PEG3: variants seen among roughly 807,000 people sequenced by gnomAD.
PEG3 encodes the protein paternally-expressed gene 3 protein.
PEG3 carries 23 observed loss-of-function variants against 35.5 expected under a neutral mutation model. The observed-to-expected ratio is 0.65, with a 90% CI of 0.47 to 0.92. PEG3 has a LOEUF of 0.92. Among genes scored for constraint, PEG3 ranks in the 40% least tolerant of loss-of-function variants. The probability of loss-of-function intolerance (pLI) is 0.00; values close to 1 mark genes in which losing one functional copy is unlikely to be tolerated. For missense variants in PEG3, 1,960 were observed against 1,985.3 expected (o/e 0.99, Z 0.24); for synonymous variants, 707 against 697.0 (o/e 1.01, Z -0.23).
In PEG3 at chr19:56,814,686, T is replaced by G; in HGVS notation, c.3756A>C (p.Leu1252Phe). ...EHMRLHREDD[L>F]LEQSQMAEEA... ...CCTCAGCCATCTGGCTCTGCTCCAGTAAATCATCTTCCCTATGAAGTCTCA... is the reference window on the plus strand; with the variant it reads ...CCTCAGCCATCTGGCTCTGCTCCAGGAAATCATCTTCCCTATGAAGTCTCA... Residue 1252 changes from leucine (L) to phenylalanine (F), a missense_variant, in exon 10 of 10, where the codon TTA (leucine) becomes TTC (phenylalanine). Coordinates refer to ENST00000326441, the MANE Select transcript of PEG3 (RefSeq NM_006210.3). This position sits in a 1 kb window ranked among gnomAD's most constrained non-coding sequence, Gnocchi z 5.8. 1.2e-6 allele frequency: 2 copies of G among 1,614,074 alleles called. No homozygotes were observed. The highest frequency in any genetic ancestry group is 2.7e-5 in the African/African-American group (2 of 75,062).
chr19:56,815,100 C>A lies in PEG3; in HGVS notation c.3342G>T (p.Leu1114=). ...TGAGGTCTGTGAGATCCACAAAGCC[C>A]AGGCCACAGTCCTCACATTCATAGA... ...DKIYECEDCG[L]GFVDLTDLTD... The change falls in exon 10 of 10, where the codon CTG becomes CTT. Residue 1114 remains leucine, a synonymous_variant. Transcript: ENST00000326441. 1 of 1,613,788 alleles carries A rather than the reference C, an allele frequency of 6.2e-7. No individual in the cohort carries two copies. Among genetic ancestry groups the A allele is most frequent in the Non-Finnish European group, 8.5e-7 (1 of 1,179,808 alleles).
chr19:56,824,639 T>C lies in PEG3; in HGVS notation c.17A>G (p.His6Arg), dbSNP rs1332869467. 1.9e-6 allele frequency: 3 copies of C among 1,597,720 alleles called. No homozygotes were observed. The East Asian group carries it at 6.7e-5, about 36-fold the overall frequency. Residue 6 changes from histidine to arginine, a missense_variant, in exon 4 of 10, where the codon CAC becomes CGC. Transcript: ENST00000326441. ...CTTCTTAGGTTTGGTGGCAGACAAG[T>C]GCTTTGGAGGCAGCATTTCTCTAAG... MLPPK[H>R]LSATKPKKSW...
Position 56,813,800 on chromosome 19 carries a change from GT to G in PEG3, c.4641del (p.Glu1547AspfsTer47). On this transcript the variant is annotated frameshift_variant, in exon 10 of 10. Transcript: ENST00000326441. LOFTEE classifies it low-confidence loss of function (END_TRUNC). ...GCACCACCTGTGCTGGTGCTGGCAC[GT>G]TCGATGTAGCCTGAGCACTCCCCAA... ...NAFGECSGYI[E>X]RASTSTGGAN... The G allele has an allele frequency of 6.2e-7, 1 of 1,614,104 alleles. No individual in the cohort carries two copies. Among genetic ancestry groups the G allele is most frequent in the Non-Finnish European group, 8.5e-7 (1 of 1,180,018 alleles).
In PEG3 at chr19:56,824,726, G is replaced by A. The variant is rs953283263; in HGVS notation, c.-71C>T. 2.0e-5 allele frequency: 28 copies of A among 1,418,534 alleles called. No homozygotes were observed. The highest frequency in any genetic ancestry group is 4.0e-5 in the South Asian group (3 of 75,510). 87.9% of individuals were successfully genotyped at this position (1,418,534 alleles called of 1,614,324 possible). ...AGGAAAGACGCGGCAGCCTGTGACC[G>A]TCAGTACTCAGGGACCTGTGGATCG... On this transcript the variant is annotated 5_prime_UTR_variant, in exon 4 of 10. In the 5' UTR this introduces an upstream ATG that the reference lacks. Coordinates refer to ENST00000326441, the MANE Select transcript of PEG3 (RefSeq NM_006210.3).
intron 4 of PEG3, 118 bp from the exon 5 acceptor site, chr19:56,823,797 C>A (rs754230634): frequency 5.0e-6 from 6 of 1,207,088 alleles, no homozygotes; most frequent in Non-Finnish European, 7.2e-6. Flanking sequence ...TGACCTGATC[C>A]TGACATTTCT....
In PEG3 at chr19:56,824,403, TCTC is replaced by T; in HGVS notation, c.250_252del (p.Glu84del). On this transcript the variant is annotated inframe_deletion, in exon 4 of 10. Coordinates refer to ENST00000326441, the MANE Select transcript of PEG3 (RefSeq NM_006210.3). Reference sequence around the variant, plus strand: ...TGCTCAAGGACCAAGAGCTCGATGATCTCCTCCTTGGTGCGGGTCTCCGGCTGC... The same window carrying T: ...TGCTCAAGGACCAAGAGCTCGATGATCTCCTTGGTGCGGGTCTCCGGCTGC... 1 of 1,614,110 alleles carries T rather than the reference TCTC, an allele frequency of 6.2e-7. No individual in the cohort carries two copies. Among genetic ancestry groups the T allele is most frequent in the Non-Finnish European group, 8.5e-7 (1 of 1,180,022 alleles).
At chr19:56,838,136 G>T (rs733558) in intron 1 of PEG3, among the ~76,000 whole-genome samples, 1 of 152,058 alleles carries the variant, frequency 6.6e-6, no homozygotes, top group Non-Finnish European at 1.5e-5. Context: ...TGCAGACCCC[G>T]TCAGTCACTC....
Position 56,813,362 on chromosome 19 carries a change from A to T in PEG3, c.*313T>A. Reference sequence around the variant, plus strand: ...ACTATATATACGTTACACAAGTGTCATTTACAGTTGATTTGGGCAAACTCT... The same window carrying T: ...ACTATATATACGTTACACAAGTGTCTTTTACAGTTGATTTGGGCAAACTCT... On this transcript the variant is annotated 3_prime_UTR_variant, in exon 10 of 10. Transcript: ENST00000326441. 8.7e-7 allele frequency: 1 copy of T among 1,146,718 alleles called. No homozygotes were observed. The highest frequency in any genetic ancestry group is 1.1e-6 in the Non-Finnish European group (1 of 929,428). 71.0% of individuals were successfully genotyped at this position (1,146,718 alleles called of 1,614,324 possible).
At position 56,839,577 on chromosome 19, in the gene PEG3, A is replaced by C. The variant is rs112234833; in HGVS notation, c.-250+1005T>G. Reference sequence around the variant, plus strand: ...CAAAGCGGGCGGGGCCTGAGTGGATAGTTACCCAATCACTTCAGCCTTGCC... The same window carrying C: ...CAAAGCGGGCGGGGCCTGAGTGGATCGTTACCCAATCACTTCAGCCTTGCC... On this transcript the variant is annotated intron_variant, in intron 1 of 9. Transcript: ENST00000326441. Among the ~76,000 whole-genome samples the C allele has an allele frequency of 3.1e-3, 462 of 147,936 alleles. 1 individual carries two copies. The highest frequency in any genetic ancestry group is 0.01 in the African/African-American group (410 of 40,068).
chr19:56,818,740 C>T, intron 7 of PEG3, 38 bp from the exon 8 acceptor site: 1 of 1,588,884 alleles, frequency 6.3e-7, no homozygotes, highest in South Asian at 1.1e-5. Flanking sequence ...TGGAGTCTGT[C>T]CCCACCGATG....
intron 7 of PEG3, 70 bp from the exon 8 acceptor site, chr19:56,818,772 G>C (rs2060211408): frequency 7.8e-6 from 12 of 1,544,248 alleles, no homozygotes; most frequent in Non-Finnish European, 1.1e-5. Flanking sequence ...AATAATGTTG[G>C]CAACATGGGA....
chr19:56,838,761 C>A (rs1210357878), intron 1 of PEG3, among the ~76,000 whole-genome samples: 1 of 152,234 alleles, frequency 6.6e-6, no homozygotes, highest in African/African-American at 2.4e-5. Context: ...GCAAAACAGC[C>A]TGGCGACCAG....
Position 56,812,582 on chromosome 19 carries a change from C to G in PEG3, c.*1093G>C. 1 of 985,696 alleles carries G rather than the reference C, an allele frequency of 1.0e-6. No homozygotes were observed. The highest frequency in any genetic ancestry group is 1.2e-6 in the Non-Finnish European group (1 of 829,886). The allele number at this position is 985,696 out of a possible 1,614,324, so 61.1% of individuals were successfully genotyped here. A position where few individuals can be genotyped will look rare whatever the true frequency, so the allele number is the denominator to read the frequency against. Reference sequence around the variant, plus strand: ...GCTGATGCTGCACAGGGGACCCAAGCCATGTTGCTACTTGTCACTTAAGGC... The same window carrying G: ...GCTGATGCTGCACAGGGGACCCAAGGCATGTTGCTACTTGTCACTTAAGGC... On this transcript the variant is annotated 3_prime_UTR_variant, in exon 10 of 10. Transcript: ENST00000326441.
intron 2 of PEG3, among the ~76,000 whole-genome samples, chr19:56,831,671 C>T (rs2061579886): frequency 6.6e-6 from 1 of 152,250 alleles, no homozygotes; most frequent in East Asian, 1.9e-4. Flanking sequence ...CAAAATGTTA[C>T]ATAACCATTA....
chr19:56,814,289 G>A lies in PEG3; in HGVS notation c.4153C>T (p.Leu1385=). The A allele has an allele frequency of 6.2e-7, 1 of 1,613,614 alleles. No homozygotes were observed. Among genetic ancestry groups the A allele is most frequent in the Non-Finnish European group, 8.5e-7 (1 of 1,179,974 alleles). The change falls in exon 10 of 10, where the codon CTG becomes TTG. Residue 1385 remains leucine (L), a synonymous_variant. Coordinates refer to ENST00000326441, the MANE Select transcript of PEG3 (RefSeq NM_006210.3). This position sits in a 1 kb window ranked among gnomAD's most constrained non-coding sequence, Gnocchi z 5.8. ...EANVHVPQVV[L]RIQGLNVEAA... is the part of the protein sequence containing the mutation. ...TCTACGTTTAAGCCCTGAATCCTCAGAACTACTTGTGGAACATGGACATTG... is the reference window on the plus strand; with the variant it reads ...TCTACGTTTAAGCCCTGAATCCTCAAAACTACTTGTGGAACATGGACATTG...
intron 4 of PEG3, among the ~76,000 whole-genome samples, chr19:56,823,924 C>A (rs1041141102): frequency 6.6e-6 from 1 of 152,148 alleles, no homozygotes; most frequent in Non-Finnish European, 1.5e-5. Flanking sequence ...AGCCAGAAGG[C>A]AACCTCCTAG....
At chr19:56,822,938 C>T (rs2060640392) in intron 5 of PEG3, 102 bp from the exon 6 acceptor site, 9 of 1,463,216 alleles carry the variant, frequency 6.2e-6, no homozygotes, top group Non-Finnish European at 8.4e-6. Context: ...CTACCCTCTT[C>T]CCACAAGGAG....
intron 1 of PEG3, among the ~76,000 whole-genome samples, chr19:56,837,101 C>G (rs570026628): frequency 6.6e-6 from 1 of 152,034 alleles, no homozygotes; most frequent in South Asian, 2.1e-4. Flanking sequence ...GGAGCCAGGG[C>G]TAGGTAAGTG....
Position 56,817,629 on chromosome 19 carries a change from C to G in PEG3, c.863-50G>C, listed in dbSNP as rs371365527. 20 of 1,535,168 alleles carry G rather than the reference C, an allele frequency of 1.3e-5. 1 individual carries two copies. The highest frequency in any genetic ancestry group is 1.5e-5 in the Non-Finnish European group (17 of 1,119,132). Reference sequence around the variant, plus strand: ...TACTCCCTAGTCCCCATAAGAAGGACAGTGGGACTTGGAGGGGTGCACCCT... The same window carrying G: ...TACTCCCTAGTCCCCATAAGAAGGAGAGTGGGACTTGGAGGGGTGCACCCT... On this transcript the variant is annotated intron_variant, in intron 9 of 9. Coordinates refer to ENST00000326441, the MANE Select transcript of PEG3 (RefSeq NM_006210.3).
Sources: gnomAD v4.1 joint callset for allele counts (sites outside exome capture counted in the v4.1 genomes callset) on GRCh38, gnomAD v4.1.1 for gene constraint, Gnocchi (gnomAD v3.1) non-coding constraint, MANE v1.5 for transcripts, NCBI Gene and HGNC (gene_info 2026-07-23, HGNC 2026-07-21) for gene names.